Variants in FAM193A observed in about 807,000 individuals in gnomAD.
FAM193A encodes protein FAM193A.
A neutral mutation model predicts 126.5 loss-of-function variants in FAM193A; 22 were observed. The observed-to-expected ratio is 0.17, with a 90% CI of 0.12 to 0.25. The LOEUF (loss-of-function observed/expected upper bound fraction) is 0.25, where lower values mean the gene tolerates loss of function less well. Ranked by LOEUF, FAM193A falls within the 10% of genes least tolerant of loss-of-function variation. The pLI is 1.00. For synonymous variants in FAM193A, 761 were observed against 646.8 expected, an observed-to-expected ratio of 1.18 and a Z score of -2.68; for missense variants, 1,675 against 1,672.8, an observed-to-expected ratio of 1.00 and a Z score of -0.02.
chr4:2,543,169 C>G (rs1166558205), intron 1 of FAM193A, among the ~76,000 whole-genome samples: 2 of 151,726 alleles, frequency 1.3e-5, no homozygotes, highest in East Asian at 1.9e-4. Context: ...CTCACTGCAA[C>G]CTCCGCCTCC....
In FAM193A at chr4:2,550,080, A is replaced by C. The variant is rs141794408; in HGVS notation, c.255+12910A>C. Among the ~76,000 whole-genome samples, 209 of 145,570 alleles carry C rather than the reference A, an allele frequency of 1.4e-3. 1 individual carries two copies. The highest frequency in any genetic ancestry group is 5.2e-3 in the African/African-American group (204 of 39,526). ...GAGACAGAGTGTCGCTCTGTGGCCC[A>C]AGCTGAAGTTTAGTGCCATGATTTC... On this transcript the variant is annotated intron_variant, in intron 1 of 20. Coordinates refer to ENST00000637812, the MANE Select transcript of FAM193A (RefSeq NM_001366318.2).
At chr4:2,654,799 C>G (rs979584007) in intron 7 of FAM193A, 3 of 311,038 alleles carry the variant, frequency 9.6e-6, no homozygotes, top group Non-Finnish European at 1.8e-5. Flanking sequence ...CATTTTGTGC[C>G]TCCATAGTCT....
At chr4:2,555,297 A>T (rs1738185738) in intron 1 of FAM193A, among the ~76,000 whole-genome samples, 1 of 152,166 alleles carries the variant, frequency 6.6e-6, no homozygotes, top group Non-Finnish European at 1.5e-5. Context: ...GGCCTGTATA[A>T]CATTTATTTT....
intron 20 of FAM193A, among the ~76,000 whole-genome samples, chr4:2,723,420 C>G (rs1331526229): frequency 1.3e-5 from 2 of 151,172 alleles, no homozygotes; most frequent in African/African-American, 2.4e-5. Context: ...ACTGAAAATA[C>G]AAAAATTAGC....
At chr4:2,651,946 C>T (rs184399647) in intron 7 of FAM193A, among the ~76,000 whole-genome samples, 14 of 152,202 alleles carry the variant, frequency 9.2e-5, no homozygotes, top group East Asian at 1.9e-4. Context: ...AAGGGTCGTT[C>T]GAAGGCAGAG....
intron 1 of FAM193A, among the ~76,000 whole-genome samples, chr4:2,542,266 A>C (rs1028647829): frequency 6.6e-6 from 1 of 152,030 alleles, no homozygotes; most frequent in Non-Finnish European, 1.5e-5. Flanking sequence ...TGGCCTCCCA[A>C]AGTGCTGGGA....
intron 5 of FAM193A, among the ~76,000 whole-genome samples, chr4:2,631,386 A>C (rs1170546811): frequency 6.6e-6 from 1 of 152,134 alleles, no homozygotes; most frequent in Non-Finnish European, 1.5e-5. Context: ...ATTGATAAGC[A>C]GGTGACACCT....
At chr4:2,707,568 A>G (rs1167124202) in intron 19 of FAM193A, among the ~76,000 whole-genome samples, 1 of 152,132 alleles carries the variant, frequency 6.6e-6, no homozygotes, top group African/African-American at 2.4e-5. Context: ...TATTGGTTAC[A>G]TGTTTAAATC....
intron 19 of FAM193A, among the ~76,000 whole-genome samples, chr4:2,710,164 TTTTTTTTTTTTTC>T (rs1490484028): frequency 8.7e-5 from 11 of 126,992 alleles, no homozygotes; most frequent in Admixed American, 2.2e-4. Flanking sequence ...TTCTTTTGTT[TTTTTTTTTTTTTC>T]TTTTTTTTTT....
intron 19 of FAM193A, among the ~76,000 whole-genome samples, chr4:2,702,650 C>T (rs145228489): frequency 2.0e-5 from 3 of 152,238 alleles, no homozygotes; most frequent in South Asian, 2.1e-4. Flanking sequence ...CTCCCTTCCC[C>T]GTCCACCTTT....
chr4:2,635,270 G>T (rs1743976693), intron 5 of FAM193A, among the ~76,000 whole-genome samples: 1 of 152,148 alleles, frequency 6.6e-6, no homozygotes, highest in South Asian at 2.1e-4. Context: ...GATAAACTCG[G>T]TGTCTCAGGG....
intron 18 of FAM193A, 119 bp from the exon 19 acceptor site, chr4:2,699,561 G>A: frequency 1.1e-6 from 1 of 939,946 alleles, no homozygotes; most frequent in Non-Finnish European, 1.6e-6. Flanking sequence ...ATTTATTACA[G>A]CCTCTTCAGA....
At chr4:2,599,825 TC>T (rs1741091342) in intron 2 of FAM193A, among the ~76,000 whole-genome samples, 1 of 151,896 alleles carries the variant, frequency 6.6e-6, no homozygotes, top group South Asian at 2.1e-4. Flanking sequence ...CAACCTCACT[TC>T]CTGGGTTCAA....
At chr4:2,654,149 G>GT (rs1185944422) in intron 7 of FAM193A, among the ~76,000 whole-genome samples, 2 of 152,194 alleles carry the variant, frequency 1.3e-5, no homozygotes, top group East Asian at 3.8e-4. Flanking sequence ...GCTTTAAAAT[G>GT]TTGAATACGT....
At chr4:2,673,715 C>T (rs974575357) in intron 13 of FAM193A, among the ~76,000 whole-genome samples, 7 of 152,128 alleles carry the variant, frequency 4.6e-5, no homozygotes, top group Non-Finnish European at 7.4e-5. Context: ...GAAGAGAGCT[C>T]TATTACCTAG....
At chr4:2,568,824 A>G (rs1019051485) in intron 1 of FAM193A, among the ~76,000 whole-genome samples, 2 of 152,178 alleles carry the variant, frequency 1.3e-5, no homozygotes, top group African/African-American at 4.8e-5. Context: ...TTCTGATTCT[A>G]GATTATAGAA....
At chr4:2,668,621 G>A (rs1283957980) in intron 12 of FAM193A, among the ~76,000 whole-genome samples, 1 of 151,982 alleles carries the variant, frequency 6.6e-6, no homozygotes, top group Admixed American at 6.6e-5. Context: ...TTTCTCCTTT[G>A]TACTATTATT....
chr4:2,679,922 C>T (rs1472579063), intron 13 of FAM193A, among the ~76,000 whole-genome samples: 1 of 151,196 alleles, frequency 6.6e-6, no homozygotes, highest in Non-Finnish European at 1.5e-5. Flanking sequence ...TGCAGTGGCA[C>T]AATCTCCACT....
chr4:2,572,710 G>T (rs1577023954), intron 1 of FAM193A, among the ~76,000 whole-genome samples: 2 of 152,166 alleles, frequency 1.3e-5, no homozygotes, highest in South Asian at 4.2e-4. Context: ...GGAGGGCTGG[G>T]GCGAGGATTT....
Sources: allele counts gnomAD v4.1 joint callset (sites outside exome capture counted in the v4.1 genomes callset), GRCh38; gene constraint gnomAD v4.1.1; transcripts MANE v1.5; gene names NCBI Gene and HGNC (gene_info 2026-07-23, HGNC 2026-07-21).